The following CCNB1IP1 variants were observed in gnomAD, a reference collection of about 807,000 sequenced individuals.
The protein encoded by CCNB1IP1 is cyclin B1 interacting protein 1.
Under a neutral mutation model 25.6 loss-of-function variants are expected in CCNB1IP1, and 14 were observed. The ratio of observed to expected loss-of-function variants is 0.55; its 90% CI spans 0.36 to 0.85. The LOEUF (loss-of-function observed/expected upper bound fraction) is 0.85, where lower values mean the gene tolerates loss of function less well. CCNB1IP1 is among the 40% of genes least tolerant of loss of function. CCNB1IP1 has a pLI of 0.01. For missense variants in CCNB1IP1, 278 were observed against 342.4 expected, an observed-to-expected ratio of 0.81 and a Z score of 1.48; for synonymous variants, 119 against 116.1, an observed-to-expected ratio of 1.02 and a Z score of -0.16.
chr14:20,329,065 C>T (rs1883161347), intron 2 of CCNB1IP1, 109 bp downstream of exon 2: 3 of 152,180 alleles, frequency 2.0e-5, no homozygotes, highest in Admixed American at 2.0e-4. Context: ...ATTTCATCAC[C>T]ATTCCTTTTG....
chr14:20,315,962 AAGAG>A (rs74717577), intron 5 of CCNB1IP1: 25,646 of 463,594 alleles, frequency 0.055, 868 homozygotes, highest in Middle Eastern at 0.085. Flanking sequence ...TTTTATACAG[AAGAG>A]AGAGAGAGTG....
intron 1 of CCNB1IP1, among the ~76,000 whole-genome samples, chr14:20,329,598 C>G (rs1883176772): frequency 6.6e-6 from 1 of 152,058 alleles, no homozygotes; most frequent in South Asian, 2.1e-4. Context: ...GTTGATGGAC[C>G]CTTAGGTCAA....
At chr14:20,315,441 A>G (rs1233526953) in intron 5 of CCNB1IP1, 3 of 1,054,668 alleles carry the variant, frequency 2.8e-6, no homozygotes, top group Non-Finnish European at 3.5e-6. Flanking sequence ...GTATTTAACC[A>G]AAGGAGTTGA....
chr14:20,312,347 T>C (rs891427500), intron 6 of CCNB1IP1, among the ~76,000 whole-genome samples: 3 of 152,106 alleles, frequency 2.0e-5, no homozygotes, highest in Non-Finnish European at 2.9e-5. Context: ...TTCTTATATC[T>C]GATATTCCTC....
intron 4 of CCNB1IP1, among the ~76,000 whole-genome samples, chr14:20,318,682 T>A (rs749730629): frequency 3.9e-5 from 6 of 152,206 alleles, no homozygotes; most frequent in Non-Finnish European, 7.3e-5. Flanking sequence ...CTGCTTAATC[T>A]ATATGGATCT....
At chr14:20,316,124 A>G (rs573230876) in intron 5 of CCNB1IP1, 103 bp downstream of exon 5, 2 of 996,010 alleles carry the variant, frequency 2.0e-6, no homozygotes, top group Admixed American at 5.4e-5. Context: ...AGTTTCTCAT[A>G]TACTCATAAA....
intron 4 of CCNB1IP1, among the ~76,000 whole-genome samples, chr14:20,320,097 A>AATATATTTAATGTTTGCAT (rs1415406361): frequency 1.3e-5 from 2 of 152,326 alleles, no homozygotes; most frequent in Admixed American, 1.3e-4. Context: ...ATTTATATGG[A>AATATATTTAATGTTTGCAT]GTCATTTAAC....
chr14:20,326,666 G>A, intron 3 of CCNB1IP1, 50 bp downstream of exon 3: 1 of 323,658 alleles, frequency 3.1e-6, no homozygotes, highest in Non-Finnish European at 6.4e-6. Context: ...CTTGCTAAGT[G>A]ATTAGAAATC....
intron 4 of CCNB1IP1, among the ~76,000 whole-genome samples, chr14:20,324,758 G>C (rs1316312628): frequency 6.6e-6 from 1 of 152,088 alleles, no homozygotes; most frequent in African/African-American, 2.4e-5. Context: ...TAGAGCATGC[G>C]TTTGAACTCA....
chr14:20,325,104 C>G (rs1276431068), intron 4 of CCNB1IP1, among the ~76,000 whole-genome samples: 4 of 151,546 alleles, frequency 2.6e-5, no homozygotes, highest in Non-Finnish European at 5.9e-5. Context: ...TGAGCCACCA[C>G]GCCTGGCCTC....
At chr14:20,324,818 T>A (rs545645641) in intron 4 of CCNB1IP1, among the ~76,000 whole-genome samples, 2 of 152,130 alleles carry the variant, frequency 1.3e-5, no homozygotes, top group South Asian at 4.1e-4. Context: ...CTTCTCAACA[T>A]CTTTAATTGA....
In CCNB1IP1 at chr14:20,320,928, G is replaced by A. The variant is rs749353780; in HGVS notation, c.-37-4368C>T. ...CAAGGTGGGTGGATCACCTGAGGTC[G>A]GGAGTTCGAGACCAGCCTGACCAAC... On this transcript the variant is annotated intron_variant, in intron 4 of 6. Transcript: ENST00000358932. Among the ~76,000 whole-genome samples, 8 of 151,104 alleles carry A rather than the reference G, an allele frequency of 5.3e-5. No individual in the cohort carries two copies. The South Asian group carries it at 6.3e-4, about 12-fold the overall frequency.
chr14:20,328,057 A>G (rs1883129281), intron 2 of CCNB1IP1, among the ~76,000 whole-genome samples: 1 of 152,198 alleles, frequency 6.6e-6, no homozygotes, highest in South Asian at 2.1e-4. Flanking sequence ...ATGGGTCTAA[A>G]ATAAGCTGAC....
intron 2 of CCNB1IP1, among the ~76,000 whole-genome samples, chr14:20,328,103 CCTAT>C (rs1394495035): frequency 6.6e-6 from 1 of 152,140 alleles, no homozygotes; most frequent in East Asian, 1.9e-4. Context: ...CTTTAGAAAT[CCTAT>C]CTGTCAAGCT....
intron 4 of CCNB1IP1, chr14:20,320,473 T>G (rs545975496): frequency 6.0e-6 from 2 of 331,632 alleles, no homozygotes. Flanking sequence ...AGAATGATAT[T>G]TCATCATATT....
At position 20,313,595 on chromosome 14, in the gene CCNB1IP1, A is replaced by G. The variant is rs1202215352; in HGVS notation, c.504T>C (p.Asn168=). 1 of 1,614,070 alleles carries G rather than the reference A, an allele frequency of 6.2e-7. No individual in the cohort carries two copies. The highest frequency in any genetic ancestry group is 1.3e-5 in the African/African-American group (1 of 74,922). ...GGCCTTGGAGCTTTTGATACTGACG[A>G]TTGCGCTCCATAAGTTTCTCAGAGA... The part of the protein sequence containing the change: ...SDISEKLMER[N]RQYQKLQGLY... Residue 168 remains asparagine, a synonymous_variant, in exon 6 of 7, where the codon AAT becomes AAC. Coordinates refer to ENST00000358932, the MANE Select transcript of CCNB1IP1 (RefSeq NM_021178.5).
At chr14:20,331,456 C>T (rs1160639412) in intron 1 of CCNB1IP1, among the ~76,000 whole-genome samples, 1 of 152,142 alleles carries the variant, frequency 6.6e-6, no homozygotes, top group African/African-American at 2.4e-5. Context: ...TTCTAATCAC[C>T]ACCGTGTACA....
chr14:20,313,004 T>C (rs1009251313), intron 6 of CCNB1IP1, among the ~76,000 whole-genome samples: 22 of 152,170 alleles, frequency 1.4e-4, no homozygotes, highest in South Asian at 2.1e-4. Context: ...GTTAAGAGTA[T>C]AGGCTCTGAA....
rs764240856 is a variant in CCNB1IP1 at position 20,313,587 on chromosome 14, TACTG to T, written c.508_511del (p.Gln170IlefsTer29). ...ATCATAGAGGCCTTGGAGCTTTTGA[TACTG>T]ACGATTGCGCTCCATAAGTTTCTCA... On this transcript the variant is annotated frameshift_variant, in exon 6 of 7. Transcript: ENST00000358932. LOFTEE classifies it high-confidence loss of function. 1.9e-6 allele frequency: 3 copies of T among 1,614,240 alleles called. No homozygotes were observed. The highest frequency in any genetic ancestry group is 2.5e-6 in the Non-Finnish European group (3 of 1,180,032).
Sources: allele counts gnomAD v4.1 joint callset (sites outside exome capture counted in the v4.1 genomes callset), GRCh38; gene constraint gnomAD v4.1.1; transcripts MANE v1.5; gene names NCBI Gene and HGNC (gene_info 2026-07-23, HGNC 2026-07-21).